The following SLC38A11 variants were observed in gnomAD, a reference collection of about 807,000 sequenced individuals.
SLC38A11 encodes the protein putative sodium-coupled neutral amino acid transporter 11.
Under a neutral mutation model 49.4 loss-of-function variants are expected in SLC38A11, and 51 were observed. The observed-to-expected ratio is 1.03, with a 90% CI of 0.83 to 1.30. The LOEUF is 1.30. Among genes scored for constraint, SLC38A11 ranks in the 50% most tolerant of loss-of-function variants. The pLI is 0.00. For missense variants in SLC38A11, 574 were observed against 556.2 expected, an observed-to-expected ratio of 1.03 and a Z score of -0.32; for synonymous variants, 203 against 192.9, an observed-to-expected ratio of 1.05 and a Z score of -0.43.
At chr2:164,926,980 T>G (rs1686648980) in intron 7 of SLC38A11, among the ~76,000 whole-genome samples, 1 of 151,934 alleles carries the variant, frequency 6.6e-6, no homozygotes, top group Non-Finnish European at 1.5e-5. Flanking sequence ...ACCTGCACGT[T>G]GTGCACATGT....
rs554577583 is a variant in SLC38A11 at position 164,894,763 on chromosome 2, C to T, written c.*3674G>A. Among the ~76,000 whole-genome samples, 1 of 152,230 alleles carries T rather than the reference C, an allele frequency of 6.6e-6. No individual in the cohort carries two copies. The highest frequency in any genetic ancestry group is 2.1e-4 in the South Asian group (1 of 4,814). Reference sequence around the variant, plus strand: ...ACTAATATTATTGTCGTGGTTTCTCCTCTTCTCACTGTGTCTCTAGATGAT... The same window carrying T: ...ACTAATATTATTGTCGTGGTTTCTCTTCTTCTCACTGTGTCTCTAGATGAT... On this transcript the variant is annotated 3_prime_UTR_variant, in exon 12 of 12. Coordinates refer to ENST00000685975, the MANE Select transcript of SLC38A11 (RefSeq NM_001351537.2).
At chr2:164,912,752 T>C (rs1410309318) in intron 9 of SLC38A11, among the ~76,000 whole-genome samples, 1 of 152,064 alleles carries the variant, frequency 6.6e-6, no homozygotes, top group East Asian at 1.9e-4. Flanking sequence ...GATGATGGAC[T>C]AAATATACCT....
chr2:164,947,117 C>CTTTTTTTTTTTTTTTTTTTTTT lies in SLC38A11; in HGVS notation c.230-1412_230-1391dup, dbSNP rs200284770. On this transcript the variant is annotated intron_variant, in intron 3 of 11. Transcript: ENST00000685975. ...CCTGGATTCTTGGACTTTTTTATCT[C>CTTTTTTTTTTTTTTTTTTTTTT]TTTTTTTTTTTTTTTTTTTTTTTTT... 1.2e-4 allele frequency among the ~76,000 whole-genome samples: 9 copies of CTTTTTTTTTTTTTTTTTTTTTT among 72,912 alleles called. 2 individuals are homozygous for CTTTTTTTTTTTTTTTTTTTTTT. The highest frequency in any genetic ancestry group is 5.3e-4 in the Admixed American group (4 of 7,514). The allele number at this position is 72,912 out of a possible 152,430, so 47.8% of individuals were successfully genotyped here.
intron 9 of SLC38A11, among the ~76,000 whole-genome samples, chr2:164,914,465 T>C (rs1685624911): frequency 6.6e-6 from 1 of 151,900 alleles, no homozygotes; most frequent in Non-Finnish European, 1.5e-5. Flanking sequence ...AAGACAAATA[T>C]AGAACAACTG....
At chr2:164,909,718 T>C (rs1349550772) in intron 10 of SLC38A11, among the ~76,000 whole-genome samples, 1 of 151,772 alleles carries the variant, frequency 6.6e-6, no homozygotes, top group Non-Finnish European at 1.5e-5. Flanking sequence ...AAAGAGAAGA[T>C]AGTCTGAATA....
chr2:164,909,919 T>C (rs1458107027), intron 10 of SLC38A11, among the ~76,000 whole-genome samples: 1 of 152,140 alleles, frequency 6.6e-6, no homozygotes. Context: ...AGTTGTAATG[T>C]CTCTCCAAGT....
At chr2:164,934,935 C>T (rs894717552) in intron 7 of SLC38A11, among the ~76,000 whole-genome samples, 10 of 151,978 alleles carry the variant, frequency 6.6e-5, no homozygotes, top group South Asian at 2.1e-4. Flanking sequence ...ATTAAGTATA[C>T]GTTTTTGTGC....
rs890192936 is a variant in SLC38A11 at position 164,908,578 on chromosome 2, T to G, written c.1095+62A>C. On this transcript the variant is annotated intron_variant, in intron 11 of 11. Transcript: ENST00000685975. ...TAAGGAAAATACATCTTATGTTAAA[T>G]GTAATCATTATCTTTTAAAGAGAAT... is the stretch of plus-strand genomic sequence containing the variant. 5 of 1,392,210 alleles carry G rather than the reference T, an allele frequency of 3.6e-6. No homozygotes were observed. In the African/African-American group the frequency reaches 7.4e-5, roughly 20 times the overall value. The allele number at this position is 1,392,210 out of a possible 1,614,324, so 86.2% of individuals were successfully genotyped here. A position where few individuals can be genotyped will look rare whatever the true frequency, so the allele number is the denominator to read the frequency against.
In SLC38A11 at chr2:164,898,066, A is replaced by ACCCCCCCC. The variant is rs145219043; in HGVS notation, c.*370_*371insGGGGGGGG. 3 of 113,280 alleles carry ACCCCCCCC rather than the reference A, an allele frequency of 2.6e-5. No homozygotes were observed. Among genetic ancestry groups the ACCCCCCCC allele is most frequent in the Admixed American group, 9.9e-5 (1 of 10,120 alleles). The allele number at this position is 113,280 out of a possible 1,614,324, so 7.0% of individuals were successfully genotyped here. ...GACAAAGAAAATGCCCACCCCCCAC[A>ACCCCCCCC]CCCCCCCACCAAAAGACATCTACAC... is the stretch of plus-strand genomic sequence containing the variant. On this transcript the variant is annotated 3_prime_UTR_variant, in exon 12 of 12. Coordinates refer to ENST00000685975, the MANE Select transcript of SLC38A11 (RefSeq NM_001351537.2).
rs757055863 is a variant in SLC38A11 at position 164,898,701 on chromosome 2, A to G, written c.1125T>C (p.Phe375=). The change falls in exon 12 of 12, where the codon TTT becomes TTC. Residue 375 remains phenylalanine, a synonymous_variant. Transcript: ENST00000685975. ...NGVLCATPLI[F]IIPSACYLKL... ...TCAGATAACAGGCTGATGGAATGATAAAAATGAGGGGAGTTGCACAGAGCA... is the reference window on the plus strand; with the variant it reads ...TCAGATAACAGGCTGATGGAATGATGAAAATGAGGGGAGTTGCACAGAGCA... 18 of 1,613,320 alleles carry G rather than the reference A, an allele frequency of 1.1e-5. No homozygotes were observed. The South Asian group carries it at 2.0e-4, about 18-fold the overall frequency.
chr2:164,953,965 C>T (rs1688687178), intron 2 of SLC38A11, among the ~76,000 whole-genome samples: 2 of 151,896 alleles, frequency 1.3e-5, no homozygotes, highest in Admixed American at 1.3e-4. Flanking sequence ...AGTAAATTTC[C>T]CTTGCTTCTA....
chr2:164,911,749 C>T lies in SLC38A11; in HGVS notation c.851-1G>A. 1 of 1,540,152 alleles carries T rather than the reference C, an allele frequency of 6.5e-7. No homozygotes were observed. The highest frequency in any genetic ancestry group is 1.2e-5 in the South Asian group (1 of 84,422). The stretch of plus-strand genomic sequence containing the variant: ...CTGCAGTAATTTTCAAATAAGTCCC[C>T]TAGATAGTAATATAAAATAAGTTTA... On this transcript the variant is annotated splice_acceptor_variant, in intron 9 of 11. Coordinates refer to ENST00000685975, the MANE Select transcript of SLC38A11 (RefSeq NM_001351537.2). LOFTEE classifies it high-confidence loss of function.
In SLC38A11 at chr2:164,954,718, CA is replaced by C. The variant is rs1559137987; in HGVS notation, c.66del (p.Val23PhefsTer24). On this transcript the variant is annotated frameshift_variant, in exon 2 of 12. Transcript: ENST00000685975. LOFTEE classifies it high-confidence loss of function. ...PQRDLDDRET[L>X]VSEHEYKEKT... The stretch of plus-strand genomic sequence containing the variant: ...TTCTCTTTATACTCATGTTCAGAAA[CA>C]AGGGTTTCTCTGTCATCTAAATCTC... 1 of 1,534,542 alleles carries C rather than the reference CA, an allele frequency of 6.5e-7. No homozygotes were observed. Among genetic ancestry groups the C allele is most frequent in the Admixed American group, 2.0e-5 (1 of 49,826 alleles).
At chr2:164,943,236 G>A (rs1687900056) in intron 5 of SLC38A11, among the ~76,000 whole-genome samples, 1 of 152,150 alleles carries the variant, frequency 6.6e-6, no homozygotes, top group Non-Finnish European at 1.5e-5. Flanking sequence ...CCATGACATA[G>A]TGAAAAGTTG....
intron 11 of SLC38A11, among the ~76,000 whole-genome samples, chr2:164,899,149 A>G (rs1219662959): frequency 6.6e-6 from 1 of 152,108 alleles, no homozygotes; most frequent in Admixed American, 6.6e-5. Context: ...TGTGTATAAG[A>G]AGGAAATTTT....
At chr2:164,948,910 A>T (rs1396941350) in intron 3 of SLC38A11, among the ~76,000 whole-genome samples, 2 of 148,124 alleles carry the variant, frequency 1.4e-5, no homozygotes, top group East Asian at 3.9e-4. Flanking sequence ...TTTTTTCATA[A>T]ATACTCAGAG....
chr2:164,901,753 G>T (rs1299891951), intron 11 of SLC38A11, among the ~76,000 whole-genome samples: 2 of 151,914 alleles, frequency 1.3e-5, no homozygotes, highest in African/African-American at 2.4e-5. Flanking sequence ...ATTTCTTTTT[G>T]TTGTCTGATT....
chr2:164,909,424 A>G (rs1297813785), intron 10 of SLC38A11, among the ~76,000 whole-genome samples: 1 of 151,910 alleles, frequency 6.6e-6, no homozygotes, highest in Non-Finnish European at 1.5e-5. Context: ...ATTCTCAGGA[A>G]TTAATTTTTG....
In SLC38A11 at chr2:164,898,389, ATG is replaced by A. The variant is rs768005894; in HGVS notation, c.*46_*47del. 1 of 1,314,934 alleles carries A rather than the reference ATG, an allele frequency of 7.6e-7. No individual in the cohort carries two copies. The highest frequency in any genetic ancestry group is 1.1e-6 in the Non-Finnish European group (1 of 932,304). The allele number at this position is 1,314,934 out of a possible 1,614,324, so 81.5% of individuals were successfully genotyped here. On this transcript the variant is annotated 3_prime_UTR_variant, in exon 12 of 12. Transcript: ENST00000685975. ...ACAGACTAAAGCAAGCGTAAATGTT[ATG>A]TGTTTTAAAGTCTATGAAAACATAC...
Sources: allele counts gnomAD v4.1 joint callset (sites outside exome capture counted in the v4.1 genomes callset), GRCh38; gene constraint gnomAD v4.1.1; transcripts MANE v1.5; gene names NCBI Gene and HGNC (gene_info 2026-07-23, HGNC 2026-07-21).